The following BCAR3 variants were observed in gnomAD, a reference collection of about 807,000 sequenced individuals.
BCAR3 encodes BCAR3 adaptor protein, NSP family member.
Under a neutral mutation model 80.1 loss-of-function variants are expected in BCAR3, and 37 were observed. The observed-to-expected ratio is 0.46, with a 90% CI of 0.36 to 0.61. The LOEUF is 0.61. BCAR3 is among the 20% of genes least tolerant of loss of function. BCAR3 has a pLI of 0.00. For synonymous variants in BCAR3, 389 were observed against 418.9 expected, an observed-to-expected ratio of 0.93 and a Z score of 0.87; for missense variants, 978 against 1,068.2, an observed-to-expected ratio of 0.92 and a Z score of 1.18.
intron 2 of BCAR3, among the ~76,000 whole-genome samples, chr1:93,762,734 C>A (rs1651995799): frequency 6.6e-6 from 1 of 152,160 alleles, no homozygotes; most frequent in Non-Finnish European, 1.5e-5. Context: ...CTCTTCTCTG[C>A]AAAGATGGCC....
intron 2 of BCAR3, among the ~76,000 whole-genome samples, chr1:93,665,404 A>C (rs930047548): frequency 6.6e-6 from 1 of 152,178 alleles, no homozygotes; most frequent in Non-Finnish European, 1.5e-5. Context: ...CATCAAAAAA[A>C]AAAAAATCTT....
intron 6 of BCAR3, 27 bp from the exon 7 acceptor site, chr1:93,582,980 A>G (rs543940513): frequency 6.4e-7 from 1 of 1,557,654 alleles, no homozygotes; most frequent in South Asian, 1.2e-5. Context: ...AAGGTCAGAG[A>G]AAGCTCATCT....
intron 1 of BCAR3, among the ~76,000 whole-genome samples, chr1:93,846,392 G>C (rs1394638681): frequency 6.6e-6 from 1 of 152,210 alleles, no homozygotes; most frequent in African/African-American, 2.4e-5. Flanking sequence ...GGACTGCTGT[G>C]AGCTAATAGG....
chr1:93,695,076 C>T (rs962955685), intron 3 of BCAR3, among the ~76,000 whole-genome samples: 5 of 152,236 alleles, frequency 3.3e-5, no homozygotes, highest in African/African-American at 1.2e-4. Context: ...TGGCACCTGG[C>T]CCTTGAGCAT....
intron 2 of BCAR3, among the ~76,000 whole-genome samples, chr1:93,743,951 T>C (rs1354474129): frequency 6.6e-6 from 1 of 152,116 alleles, no homozygotes; most frequent in Non-Finnish European, 1.5e-5. Flanking sequence ...GGCATGGGGA[T>C]GTGTAGTGGG....
At chr1:93,612,373 G>A (rs1437944861) in intron 3 of BCAR3, among the ~76,000 whole-genome samples, 2 of 151,952 alleles carry the variant, frequency 1.3e-5, no homozygotes, top group African/African-American at 4.8e-5. Context: ...GAGTGCACAA[G>A]CTGAAGGACA....
intron 3 of BCAR3, among the ~76,000 whole-genome samples, chr1:93,606,621 C>T (rs529190853): frequency 6.6e-6 from 1 of 152,248 alleles, no homozygotes; most frequent in African/African-American, 2.4e-5. Flanking sequence ...CTTACTGGGC[C>T]ATGGGGTCCA....
chr1:93,580,756 C>T (rs772080509), intron 7 of BCAR3, among the ~76,000 whole-genome samples: 2 of 152,124 alleles, frequency 1.3e-5, no homozygotes, highest in Non-Finnish European at 2.9e-5. Context: ...GGTCCTAAAA[C>T]GAATCCCGAC....
intron 2 of BCAR3, among the ~76,000 whole-genome samples, chr1:93,654,017 G>C: frequency 6.6e-6 from 1 of 152,144 alleles, no homozygotes; most frequent in East Asian, 1.9e-4. Flanking sequence ...CCTTACTCAG[G>C]CTGCTCCCAC....
At chr1:93,775,083 G>C (rs1430233559) in intron 2 of BCAR3, 1 of 152,202 alleles carries the variant, frequency 6.6e-6, no homozygotes, top group Non-Finnish European at 1.5e-5. Context: ...TAGCATTTTA[G>C]TTTCTTAACT....
At chr1:93,741,610 G>A (rs1030118270) in intron 2 of BCAR3, among the ~76,000 whole-genome samples, 2 of 151,832 alleles carry the variant, frequency 1.3e-5, no homozygotes, top group Admixed American at 6.6e-5. Flanking sequence ...CACTCTTGTC[G>A]CCCAGGCTGG....
chr1:93,614,066 G>A (rs1557860813), intron 3 of BCAR3: 2 of 1,439,804 alleles, frequency 1.4e-6, no homozygotes, highest in Non-Finnish European at 1.8e-6. Flanking sequence ...GCAGCCGGGG[G>A]AGTGAGTCGG....
rs774605474 is a variant in BCAR3 at position 93,567,286 on chromosome 1, G to C, written c.2292C>G (p.Ile764Met). ...ACAAAACCCATCTCTTACCTGCCAGGATCCTCTCAGCATTCATCCGGTAGC... is the reference window on the plus strand; with the variant it reads ...ACAAAACCCATCTCTTACCTGCCAGCATCCTCTCAGCATTCATCCGGTAGC... ...ADSYRMNAER[I>M]LAGFQPDEEM... Residue 764 changes from isoleucine (I) to methionine (M), a missense_variant, in exon 11 of 12, where the codon ATC becomes ATG. Transcript: ENST00000260502. The C allele has an allele frequency of 6.2e-7, 1 of 1,613,922 alleles. No individual in the cohort carries two copies. The highest frequency in any genetic ancestry group is 8.5e-7 in the Non-Finnish European group (1 of 1,180,020).
In BCAR3 at chr1:93,719,901, A is replaced by G. The variant is rs773624270; in HGVS notation, c.-62-13759T>C. On this transcript the variant is annotated intron_variant, in intron 2 of 13. Coordinates refer to the BCAR3 transcript ENST00000370244. The stretch of plus-strand genomic sequence containing the variant: ...GATTTGCTCAAAGTTGAATTTTACA[A>G]TTTTTTATTTTAGAGACAGAATCTC... 3.3e-5 allele frequency among the ~76,000 whole-genome samples: 5 copies of G among 151,920 alleles called. No individual in the cohort carries two copies. The South Asian group carries it at 1.0e-3, about 32-fold the overall frequency.
chr1:93,821,581 G>A (rs60890703), intron 2 of BCAR3, among the ~76,000 whole-genome samples: 2 of 152,154 alleles, frequency 1.3e-5, no homozygotes, highest in Admixed American at 6.5e-5. Flanking sequence ...GTGAGCAAAC[G>A]TCTTGGAATC....
chr1:93,765,901 G>T (rs900214394), intron 2 of BCAR3, among the ~76,000 whole-genome samples: 2 of 152,040 alleles, frequency 1.3e-5, no homozygotes, highest in Non-Finnish European at 2.9e-5. Context: ...TCCTGACCTT[G>T]TGATCCACCC....
intron 11 of BCAR3, among the ~76,000 whole-genome samples, chr1:93,565,884 C>G (rs755912791): frequency 6.6e-6 from 1 of 152,112 alleles, no homozygotes; most frequent in African/African-American, 2.4e-5. Flanking sequence ...AACTGTGAGC[C>G]CTTGAAGAAT....
At chr1:93,697,620 T>A (rs575238077) in intron 3 of BCAR3, among the ~76,000 whole-genome samples, 1 of 152,130 alleles carries the variant, frequency 6.6e-6, no homozygotes, top group Non-Finnish European at 1.5e-5. Context: ...TACTATACAA[T>A]TGGACTCTGT....
At chr1:93,672,021 AT>A (rs1648224915) in intron 2 of BCAR3, among the ~76,000 whole-genome samples, 1 of 152,168 alleles carries the variant, frequency 6.6e-6, no homozygotes, top group Non-Finnish European at 1.5e-5. Context: ...TACTTCCTGT[AT>A]TCATCTTTAA....
Sources: gnomAD v4.1 joint callset for allele counts (sites outside exome capture counted in the v4.1 genomes callset) on GRCh38, gnomAD v4.1.1 for gene constraint, MANE v1.5 for transcripts, NCBI Gene and HGNC (gene_info 2026-07-23, HGNC 2026-07-21) for gene names.